The following EPHA6 variants were observed in gnomAD, a reference collection of about 807,000 sequenced individuals.
EPHA6 encodes EPH receptor A6, also known as ephrin type-A receptor 6.
EPHA6 carries 50 observed loss-of-function variants against 112.0 expected under a neutral mutation model. That is an observed-to-expected ratio of 0.45 (90% CI 0.36 to 0.56). The LOEUF is 0.56. Ranked by LOEUF, EPHA6 falls within the 20% of genes least tolerant of loss-of-function variation. The pLI is 0.00. For missense variants in EPHA6, 1,280 were observed against 1,417.4 expected, an observed-to-expected ratio of 0.90 and a Z score of 1.56; for synonymous variants, 529 against 490.7, an observed-to-expected ratio of 1.08 and a Z score of -1.03.
intron 5 of EPHA6, among the ~76,000 whole-genome samples, chr3:97,355,108 TG>T (rs1559915063): frequency 6.6e-6 from 1 of 151,942 alleles, no homozygotes; most frequent in African/African-American, 2.4e-5. Context: ...TCCTACAAGA[TG>T]GTAAAGAGAG....
At chr3:97,711,560 G>A (rs1671776771) in intron 14 of EPHA6, among the ~76,000 whole-genome samples, 1 of 152,076 alleles carries the variant, frequency 6.6e-6, no homozygotes, top group African/African-American at 2.4e-5. Flanking sequence ...GCAGGGGCAG[G>A]GGAGAACTTG....
At chr3:97,106,287 A>G (rs1015899686) in intron 3 of EPHA6, among the ~76,000 whole-genome samples, 16 of 152,094 alleles carry the variant, frequency 1.1e-4, no homozygotes, top group Non-Finnish European at 2.1e-4. Context: ...AAACTCCTTC[A>G]GATTAAGGCA....
chr3:97,600,013 A>C (rs1013394831), intron 12 of EPHA6, among the ~76,000 whole-genome samples: 2 of 151,552 alleles, frequency 1.3e-5, no homozygotes, highest in African/African-American at 4.9e-5. Context: ...TAGGTATTTT[A>C]TTCTCTTTGA....
At chr3:96,826,378 G>A (rs1030722200) in intron 1 of EPHA6, among the ~76,000 whole-genome samples, 2 of 151,818 alleles carry the variant, frequency 1.3e-5, no homozygotes, top group Admixed American at 6.6e-5. Flanking sequence ...CTCTAGCTTG[G>A]GTGGAAATTC....
intron 3 of EPHA6, among the ~76,000 whole-genome samples, chr3:97,040,313 G>A (rs1380104522): frequency 6.6e-6 from 1 of 151,834 alleles, no homozygotes; most frequent in Non-Finnish European, 1.5e-5. Context: ...GCATAAAAGA[G>A]TTAGTATTAT....
intron 5 of EPHA6, among the ~76,000 whole-genome samples, chr3:97,268,016 T>C (rs2079747255): frequency 6.6e-6 from 1 of 152,180 alleles, no homozygotes; most frequent in Non-Finnish European, 1.5e-5. Flanking sequence ...TGGAGGTGGT[T>C]GAACTATTCA....
chr3:97,250,730 G>A (rs534287641), intron 5 of EPHA6, among the ~76,000 whole-genome samples: 1 of 152,040 alleles, frequency 6.6e-6, no homozygotes, highest in Non-Finnish European at 1.5e-5. Context: ...ATAGTTCTTT[G>A]TTTGAAAATG....
intron 1 of EPHA6, among the ~76,000 whole-genome samples, chr3:96,850,875 G>T (rs555615405): frequency 1.3e-5 from 2 of 151,592 alleles, no homozygotes; most frequent in African/African-American, 4.8e-5. Flanking sequence ...AGTAAAAGTG[G>T]CAGAAAATAA....
chr3:97,745,145 T>C (rs1231327783), intron 16 of EPHA6, among the ~76,000 whole-genome samples: 1 of 151,984 alleles, frequency 6.6e-6, no homozygotes, highest in Non-Finnish European at 1.5e-5. Flanking sequence ...CAGTGAAAAC[T>C]CTGAGAAATG....
At chr3:97,205,439 C>T (rs1576678656) in intron 3 of EPHA6, among the ~76,000 whole-genome samples, 2 of 151,994 alleles carry the variant, frequency 1.3e-5, no homozygotes, top group South Asian at 4.2e-4. Flanking sequence ...AATGGCAATT[C>T]ATTTACTATG....
chr3:97,048,886 A>C lies in EPHA6; in HGVS notation c.1114+60893A>C, dbSNP rs575857183. ...CAATGAAGAGAGAATAGGAAGTGTG[A>C]GATTTGGGGAGCAGGGGGATGTGCA... On this transcript the variant is annotated intron_variant, in intron 3 of 17. Coordinates refer to ENST00000389672, the MANE Select transcript of EPHA6 (RefSeq NM_001080448.3). 7.9e-5 allele frequency among the ~76,000 whole-genome samples: 12 copies of C among 152,298 alleles called. No homozygotes were observed. The South Asian group carries it at 2.5e-3, about 32-fold the overall frequency.
At chr3:97,513,397 A>C (rs1326491474) in intron 10 of EPHA6, among the ~76,000 whole-genome samples, 1 of 152,218 alleles carries the variant, frequency 6.6e-6, no homozygotes, top group Admixed American at 6.5e-5. Context: ...TATTCACAAC[A>C]ACCAAGATAT....
intron 14 of EPHA6, among the ~76,000 whole-genome samples, chr3:97,719,115 G>T (rs1177290658): frequency 3.2e-5 from 1 of 31,434 alleles, no homozygotes; most frequent in African/African-American, 1.3e-4. Flanking sequence ...CCCCGCCGCG[G>T]TAAGTAGTGT....
chr3:97,743,872 G>T lies in EPHA6; in HGVS notation c.3129-3551G>T, dbSNP rs191516109. Reference sequence around the variant, plus strand: ...ATGAATATAAAACATGGAAAACTTTGAGGATAAAACACTTCTTGCTTTTTA... The same window carrying T: ...ATGAATATAAAACATGGAAAACTTTTAGGATAAAACACTTCTTGCTTTTTA... On this transcript the variant is annotated intron_variant, in intron 16 of 17. Transcript: ENST00000389672. Among the ~76,000 whole-genome samples the T allele has an allele frequency of 1.4e-3, 212 of 151,928 alleles. 2 individuals are homozygous for T. The highest frequency in any genetic ancestry group is 9.7e-4 in the Non-Finnish European group (66 of 67,868).
At chr3:96,843,476 G>T (rs1182689435) in intron 1 of EPHA6, among the ~76,000 whole-genome samples, 1 of 152,030 alleles carries the variant, frequency 6.6e-6, no homozygotes, top group African/African-American at 2.4e-5. Context: ...CTTTAAGGAA[G>T]TGATATTTAG....
chr3:97,143,354 G>A (rs77082119), intron 3 of EPHA6, among the ~76,000 whole-genome samples: 1,997 of 151,738 alleles, frequency 0.013, 36 homozygotes, highest in African/African-American at 0.046. Context: ...AAAACTATAT[G>A]CATTATGTTC....
intron 5 of EPHA6, among the ~76,000 whole-genome samples, chr3:97,260,376 G>C (rs2079461494): frequency 6.6e-6 from 1 of 152,146 alleles, no homozygotes; most frequent in African/African-American, 2.4e-5. Context: ...ACTAACTCAA[G>C]ATTTACACCA....
intron 4 of EPHA6, among the ~76,000 whole-genome samples, chr3:97,228,582 A>ATG (rs1342350804): frequency 6.6e-6 from 1 of 151,390 alleles, no homozygotes; most frequent in Non-Finnish European, 1.5e-5. Flanking sequence ...TAAATGTTAT[A>ATG]TATATATATA....
intron 2 of EPHA6, among the ~76,000 whole-genome samples, chr3:96,956,421 C>T (rs1451828663): frequency 6.6e-6 from 1 of 152,116 alleles, no homozygotes; most frequent in Non-Finnish European, 1.5e-5. Context: ...GCACACTTAC[C>T]CCAAAGCTGG....
Sources: gnomAD v4.1 joint callset for allele counts (sites outside exome capture counted in the v4.1 genomes callset) on GRCh38, gnomAD v4.1.1 for gene constraint, MANE v1.5 for transcripts, NCBI Gene and HGNC (gene_info 2026-07-23, HGNC 2026-07-21) for gene names.